FBXL13: variants seen among roughly 807,000 people sequenced by gnomAD.
FBXL13 encodes the protein F-box and leucine-rich repeat protein 13.
A neutral mutation model predicts 83.6 loss-of-function variants in FBXL13; 67 were observed. The observed-to-expected ratio is 0.80, with a 90% CI of 0.66 to 0.98. The LOEUF (loss-of-function observed/expected upper bound fraction) is 0.98, where lower values mean the gene tolerates loss of function less well. Among genes scored for constraint, FBXL13 ranks in the 50% least tolerant of loss-of-function variants. The pLI is 0.00. For synonymous variants in FBXL13, 272 were observed against 299.5 expected (o/e 0.91, Z 0.95); for missense variants, 822 against 866.5 (o/e 0.95, Z 0.64).
intron 8 of FBXL13, among the ~76,000 whole-genome samples, chr7:102,939,794 C>G (rs952781363): frequency 6.6e-6 from 1 of 152,128 alleles, no homozygotes; most frequent in Non-Finnish European, 1.5e-5. Flanking sequence ...GTATGTAATA[C>G]CACATATTAC....
At chr7:102,950,909 A>G (rs1353975483) in intron 8 of FBXL13, among the ~76,000 whole-genome samples, 1 of 152,194 alleles carries the variant, frequency 6.6e-6, no homozygotes, top group African/African-American at 2.4e-5. Context: ...GAAACTACTC[A>G]GCACAATATT....
chr7:103,043,223 C>T (rs980547084), intron 2 of FBXL13, among the ~76,000 whole-genome samples: 1 of 152,166 alleles, frequency 6.6e-6, no homozygotes. Flanking sequence ...TGAAAAAAAG[C>T]TCATCATCAC....
intron 10 of FBXL13, among the ~76,000 whole-genome samples, chr7:102,925,065 T>C (rs1360520620): frequency 6.6e-6 from 1 of 152,230 alleles, no homozygotes; most frequent in African/African-American, 2.4e-5. Context: ...TCTCTCCTAG[T>C]GTGATCATAT....
chr7:102,913,068 G>A lies in FBXL13; in HGVS notation c.1008+18C>T, dbSNP rs1310094378. On this transcript the variant is annotated intron_variant, in intron 11 of 19. Transcript: ENST00000313221. ...ACTTCCTCACACACCGCAGCAAAGA[G>A]AAGACTGAAAGACAAACCTGGGTGC... 2 of 1,613,928 alleles carry A rather than the reference G, an allele frequency of 1.2e-6. No individual in the cohort carries two copies. Among genetic ancestry groups the A allele is most frequent in the Non-Finnish European group, 1.7e-6 (2 of 1,179,984 alleles).
chr7:103,027,309 A>AT (rs1210418961), intron 5 of FBXL13, 140 bp downstream of exon 6: 3 of 589,402 alleles, frequency 5.1e-6, no homozygotes, highest in African/African-American at 1.9e-5. Flanking sequence ...AAAAATAAAA[A>AT]TAAAAAAAAA....
At chr7:103,051,820 T>C (rs1378197758) in intron 2 of FBXL13, among the ~76,000 whole-genome samples, 1 of 152,232 alleles carries the variant, frequency 6.6e-6, no homozygotes, top group East Asian at 1.9e-4. Flanking sequence ...GATTGATGTT[T>C]TCCTTGGTTG....
At chr7:102,924,742 T>C (rs847657) in intron 10 of FBXL13, among the ~76,000 whole-genome samples, 146,449 of 150,718 alleles carry the variant, frequency 0.97, 71,305 homozygotes, top group East Asian at 1. Flanking sequence ...CCTGGGTTCA[T>C]GCCATTCTCC....
At chr7:103,001,281 CT>C (rs1406242271) in intron 6 of FBXL13, among the ~76,000 whole-genome samples, 1 of 152,072 alleles carries the variant, frequency 6.6e-6, no homozygotes, top group African/African-American at 2.4e-5. Flanking sequence ...TTTCCTATCA[CT>C]TTGCCTTCAG....
chr7:102,868,917 C>T (rs1006050341), intron 16 of FBXL13, among the ~76,000 whole-genome samples: 4 of 152,248 alleles, frequency 2.6e-5, no homozygotes, highest in Non-Finnish European at 5.9e-5. Context: ...ATCCGCCTGC[C>T]TTGGCCTCCC....
chr7:103,014,212 C>T (rs1288005237), intron 6 of FBXL13, among the ~76,000 whole-genome samples: 1 of 152,012 alleles, frequency 6.6e-6, no homozygotes, highest in Non-Finnish European at 1.5e-5. Context: ...AAAAATTAGC[C>T]AGGCATAGTG....
At chr7:102,882,940 A>G (rs1383165940) in intron 14 of FBXL13, among the ~76,000 whole-genome samples, 2 of 152,216 alleles carry the variant, frequency 1.3e-5, no homozygotes, top group East Asian at 3.9e-4. Flanking sequence ...CAAGAGGAAA[A>G]CCTTCAATGA....
intron 1 of FBXL13, chr7:103,074,230 GA>G (rs1327317577): frequency 1.0e-6 from 1 of 994,036 alleles, no homozygotes; most frequent in Non-Finnish European, 1.2e-6. Flanking sequence ...CGGCTCCATG[GA>G]AACCTCAGGC....
In FBXL13 at chr7:102,834,473, A is replaced by ATATATGTG. The variant is rs1491519097; in HGVS notation, c.1720-1500_1720-1499insCACATATA. On this transcript the variant is annotated intron_variant, in intron 17 of 19. Coordinates refer to ENST00000313221, the Ensembl canonical transcript of FBXL13. The stretch of plus-strand genomic sequence containing the variant: ...TATGTGATTATATATATATATATAT[A>ATATATGTG]TGTGATGTGGCTCTTAGCACAAAAT... 430 of 141,538 alleles carry ATATATGTG rather than the reference A, an allele frequency of 3.0e-3. 5 individuals are homozygous for ATATATGTG. Among genetic ancestry groups the ATATATGTG allele is most frequent in the African/African-American group, 0.011 (401 of 37,870 alleles). The allele number at this position is 141,538 out of a possible 1,614,324, so 8.8% of individuals were successfully genotyped here. A position where few individuals can be genotyped will look rare whatever the true frequency, so the allele number is the denominator to read the frequency against.
chr7:102,851,330 C>CA (rs917555820), intron 17 of FBXL13, among the ~76,000 whole-genome samples: 4 of 152,194 alleles, frequency 2.6e-5, no homozygotes, highest in Admixed American at 6.5e-5. Context: ...TTCAAATTGA[C>CA]AGAGATAATT....
intron 2 of FBXL13, among the ~76,000 whole-genome samples, chr7:103,048,844 T>G (rs1368745963): frequency 6.6e-6 from 1 of 152,062 alleles, no homozygotes; most frequent in Non-Finnish European, 1.5e-5. Context: ...TTTAACCCAT[T>G]AAACTAGGTA....
chr7:102,931,200 A>G (rs1324332386), intron 9 of FBXL13, among the ~76,000 whole-genome samples: 1 of 152,238 alleles, frequency 6.6e-6, no homozygotes, highest in Non-Finnish European at 1.5e-5. Context: ...AGCAACTTGG[A>G]GCATGCAGGA....
At chr7:102,929,745 A>G (rs1818838234) in intron 9 of FBXL13, among the ~76,000 whole-genome samples, 1 of 151,370 alleles carries the variant, frequency 6.6e-6, no homozygotes, top group Non-Finnish European at 1.5e-5. Flanking sequence ...CCGGGGGTTG[A>G]GAGAAAATGA....
chr7:102,864,947 T>C lies in FBXL13; in HGVS notation c.1636-10087A>G, dbSNP rs182655771. On this transcript the variant is annotated intron_variant, in intron 16 of 19. Transcript: ENST00000313221. ...AAGTGCCATGGCACCAGCTGAGATA[T>C]GAACCCATACTCTGAATTCATGCTT... 2.0e-5 allele frequency among the ~76,000 whole-genome samples: 3 copies of C among 152,342 alleles called. No homozygotes were observed. The East Asian group carries it at 5.8e-4, about 29-fold the overall frequency.
intron 16 of FBXL13, among the ~76,000 whole-genome samples, chr7:102,871,678 C>G (rs1372110015): frequency 6.6e-6 from 1 of 152,174 alleles, no homozygotes; most frequent in Non-Finnish European, 1.5e-5. Flanking sequence ...CAGGCGTAAG[C>G]CACCACACCT....
Sources: allele counts gnomAD v4.1 joint callset (sites outside exome capture counted in the v4.1 genomes callset), GRCh38; gene constraint gnomAD v4.1.1; transcripts MANE v1.5; gene names NCBI Gene and HGNC (gene_info 2026-07-23, HGNC 2026-07-21).